LRRIQ3: variants seen among roughly 807,000 people sequenced by gnomAD.
The protein encoded by LRRIQ3 is leucine rich repeats and IQ motif containing 3, also known as leucine-rich repeat and IQ domain-containing protein 3.
In LRRIQ3, 75 loss-of-function variants were observed where a neutral mutation model predicts 59.3. The ratio of observed to expected loss-of-function variants is 1.26; its 90% CI spans 1.05 to 1.53. LRRIQ3 has a LOEUF of 1.53. Among genes scored for constraint, LRRIQ3 ranks in the 40% most tolerant of loss-of-function variants. The pLI, the probability that LRRIQ3 is intolerant of heterozygous loss-of-function variation, is 0.00. For synonymous variants in LRRIQ3, 250 were observed against 231.3 expected, an observed-to-expected ratio of 1.08 and a Z score of -0.73; for missense variants, 831 against 710.0, an observed-to-expected ratio of 1.17 and a Z score of -1.94.
intron 6 of LRRIQ3, among the ~76,000 whole-genome samples, chr1:74,043,769 G>A (rs886969995): frequency 1.3e-5 from 2 of 152,032 alleles, no homozygotes; most frequent in Non-Finnish European, 2.9e-5. Context: ...ACAAACAAAG[G>A]AAGACAAAAT....
At chr1:74,180,720 T>A in intron 3 of LRRIQ3, 1 of 1,549,944 alleles carries the variant, frequency 6.5e-7, no homozygotes, top group Non-Finnish European at 8.7e-7. Context: ...TCATGACTCA[T>A]TTGCTGTCCA....
intron 3 of LRRIQ3, among the ~76,000 whole-genome samples, chr1:74,177,712 G>A (rs1241048785): frequency 6.6e-6 from 1 of 151,024 alleles, no homozygotes; most frequent in Non-Finnish European, 1.5e-5. Context: ...AATGTTTTAG[G>A]GAATTAATAT....
chr1:74,197,777 T>C (rs913229425), intron 1 of LRRIQ3, among the ~76,000 whole-genome samples: 3 of 152,134 alleles, frequency 2.0e-5, no homozygotes, highest in Non-Finnish European at 2.9e-5. Flanking sequence ...GTATGTATCA[T>C]GACCCAGGGT....
In LRRIQ3 at chr1:74,097,282, G is replaced by A. The variant is rs539389532; in HGVS notation, c.867+12112C>T. Among the ~76,000 whole-genome samples, 16 of 152,250 alleles carry A rather than the reference G, an allele frequency of 1.1e-4. No homozygotes were observed. The South Asian group carries it at 2.5e-3, about 24-fold the overall frequency. ...GACAAATGCAAAAGCTTCAGTAGCCGATTCAATCAACTGGAAGAAAGGGTA... is the reference window on the plus strand; with the variant it reads ...GACAAATGCAAAAGCTTCAGTAGCCAATTCAATCAACTGGAAGAAAGGGTA... On this transcript the variant is annotated intron_variant, in intron 5 of 7. Transcript: ENST00000354431.
chr1:74,111,356 C>T (rs951253598), intron 4 of LRRIQ3, among the ~76,000 whole-genome samples: 25 of 151,758 alleles, frequency 1.6e-4, no homozygotes, highest in Admixed American at 3.3e-4. Flanking sequence ...CAAGATATAG[C>T]GGGCATCACA....
At chr1:74,145,131 C>T (rs1647484693) in intron 4 of LRRIQ3, among the ~76,000 whole-genome samples, 1 of 152,088 alleles carries the variant, frequency 6.6e-6, no homozygotes, top group Admixed American at 6.6e-5. Context: ...GTATGAATGA[C>T]TTAAGAAAAC....
At chr1:74,030,922 A>G (rs1653688092) in intron 7 of LRRIQ3, among the ~76,000 whole-genome samples, 2 of 152,128 alleles carry the variant, frequency 1.3e-5, no homozygotes, top group African/African-American at 4.8e-5. Flanking sequence ...CAAGAAAATA[A>G]CAAACAACCC....
chr1:74,183,023 GA>G (rs1650094587), intron 2 of LRRIQ3, 162 bp from the exon 3 acceptor site: 1 of 463,366 alleles, frequency 2.2e-6, no homozygotes, highest in African/African-American at 2.0e-5. Flanking sequence ...ATGGCCAGTT[GA>G]AAACCATAAT....
intron 5 of LRRIQ3, among the ~76,000 whole-genome samples, chr1:74,106,608 A>T (rs1485294582): frequency 1.3e-5 from 2 of 152,102 alleles, no homozygotes; most frequent in East Asian, 3.9e-4. Context: ...ATAAGTTTAT[A>T]AGGAATTTGA....
intron 6 of LRRIQ3, among the ~76,000 whole-genome samples, chr1:74,045,639 G>A (rs887239829): frequency 2.0e-4 from 31 of 151,994 alleles, no homozygotes; most frequent in African/African-American, 7.5e-4. Context: ...AGAAATAAAC[G>A]GTATTCAAGT....
intron 6 of LRRIQ3, among the ~76,000 whole-genome samples, chr1:74,047,341 A>G (rs932943948): frequency 2.0e-5 from 3 of 152,124 alleles, no homozygotes; most frequent in African/African-American, 7.2e-5. Context: ...CTAACACAAG[A>G]ATAGATAACC....
intron 1 of LRRIQ3, among the ~76,000 whole-genome samples, chr1:74,196,357 T>C (rs1032568352): frequency 1.4e-4 from 21 of 152,180 alleles, no homozygotes; most frequent in African/African-American, 3.6e-4. Context: ...CCCAAACATA[T>C]AGGCTCTGCT....
At chr1:74,183,717 T>C (rs1650169838) in intron 1 of LRRIQ3, 33 bp from the exon 2 acceptor site, 1 of 1,395,814 alleles carries the variant, frequency 7.2e-7, no homozygotes, top group Non-Finnish European at 9.4e-7. Flanking sequence ...TTGATTTTTT[T>C]TTCCACTTTC....
intron 5 of LRRIQ3, 130 bp downstream of exon 5, chr1:74,109,264 A>T: frequency 1.4e-6 from 1 of 731,604 alleles, no homozygotes. Flanking sequence ...ATCAAAAAAT[A>T]TAAAGCAGGA....
intron 1 of LRRIQ3, among the ~76,000 whole-genome samples, chr1:74,187,381 C>CAA (rs1240937546): frequency 1.3e-5 from 2 of 151,608 alleles, no homozygotes; most frequent in African/African-American, 4.8e-5. Flanking sequence ...CACACACACA[C>CAA]ACCATGGAAT....
At chr1:74,042,396 T>C (rs1257308564) in intron 6 of LRRIQ3, among the ~76,000 whole-genome samples, 2 of 152,106 alleles carry the variant, frequency 1.3e-5, no homozygotes, top group Admixed American at 6.6e-5. Context: ...GGAAGAAATA[T>C]AGAAACAGCT....
At chr1:74,188,040 T>C (rs1298133918) in intron 1 of LRRIQ3, among the ~76,000 whole-genome samples, 1 of 152,152 alleles carries the variant, frequency 6.6e-6, no homozygotes, top group Non-Finnish European at 1.5e-5. Context: ...AATGGTAGAC[T>C]GGATAAAGAA....
Position 74,055,180 on chromosome 1 carries a change from T to TTATATA in LRRIQ3, c.998-13253_998-13248dup, listed in dbSNP as rs57279520. Among the ~76,000 whole-genome samples the TTATATA allele has an allele frequency of 4.7e-3, 654 of 139,892 alleles. 2 individuals are homozygous for TTATATA. The highest frequency in any genetic ancestry group is 0.011 in the African/African-American group (411 of 37,460). The allele number at this position is 139,892 out of a possible 152,430, so 91.8% of individuals were successfully genotyped here. Reference sequence around the variant, plus strand: ...ACACACACATACATACATATACACTTTATATATATATATATATATATATAT... The same window carrying TTATATA: ...ACACACACATACATACATATACACTTTATATATATATATATATATATATATATATAT... On this transcript the variant is annotated intron_variant, in intron 6 of 7. Transcript: ENST00000354431.
chr1:74,124,922 T>A (rs1646913858), intron 4 of LRRIQ3, among the ~76,000 whole-genome samples: 1 of 151,964 alleles, frequency 6.6e-6, no homozygotes, highest in Non-Finnish European at 1.5e-5. Context: ...TGGTAGGGAT[T>A]GCATTGAATC....
Sources: allele counts gnomAD v4.1 joint callset (sites outside exome capture counted in the v4.1 genomes callset), GRCh38; gene constraint gnomAD v4.1.1; transcripts MANE v1.5; gene names NCBI Gene and HGNC (gene_info 2026-07-23, HGNC 2026-07-21).